Variants in RPS16 observed in about 807,000 individuals in gnomAD.
RPS16 encodes small ribosomal subunit protein uS9.
Under a neutral mutation model 20.1 loss-of-function variants are expected in RPS16, and 2 were observed. That is an observed-to-expected ratio of 0.10 (90% CI 0.04 to 0.31). RPS16 has a LOEUF of 0.31. Ranked by LOEUF, RPS16 falls within the 10% of genes least tolerant of loss-of-function variation. The pLI, the probability that RPS16 is intolerant of heterozygous loss-of-function variation, is 1.00. For missense variants in RPS16, 129 were observed against 198.6 expected (o/e 0.65, Z 2.11); for synonymous variants, 95 against 76.1 (o/e 1.25, Z -1.29).
At chr19:39,434,203 C>A (rs2078847153) in intron 2 of RPS16, 1 of 191,360 alleles carries the variant, frequency 5.2e-6, no homozygotes, top group Admixed American at 5.3e-5. Context: ...TTGAGCCTCA[C>A]AGGTTTCCAG....
Position 39,433,139 on chromosome 19 carries a change from A to G in RPS16, c.*134T>C. The stretch of plus-strand genomic sequence containing the variant: ...GAGGGTCAAAATCCAGACTGGCAAT[A>G]GGTCCAGGATGTTTACTGATTTCTG... On this transcript the variant is annotated 3_prime_UTR_variant, in exon 5 of 5. Coordinates refer to ENST00000251453, the MANE Select transcript of RPS16 (RefSeq NM_001020.6). The G allele has an allele frequency of 1.0e-6, 1 of 1,001,690 alleles. No homozygotes were observed. Among genetic ancestry groups the G allele is most frequent in the Non-Finnish European group, 1.5e-6 (1 of 672,098 alleles). The allele number at this position is 1,001,690 out of a possible 1,614,324, so 62.1% of individuals were successfully genotyped here.
chr19:39,435,748 G>C, intron 1 of RPS16, 40 bp from the exon 2 acceptor site: 3 of 1,607,632 alleles, frequency 1.9e-6, no homozygotes, highest in Non-Finnish European at 1.7e-6. Context: ...GTGAGCTCCG[G>C]CTCCAGCTCC....
Position 39,435,651 on chromosome 19 carries a change from C to G in RPS16, c.106G>C (p.Gly36Arg). The part of the protein sequence containing the change: ...KRGNGLIKVN[G>R]RPLEMIEPRT... ...GGCTCAATCATCTCCAGGGGCCGCCCGTTCACCTTGATGAGACCATTGCCG... is the reference window on the plus strand; with the variant it reads ...GGCTCAATCATCTCCAGGGGCCGCCGGTTCACCTTGATGAGACCATTGCCG... Residue 36 changes from glycine to arginine, a missense_variant, in exon 2 of 5, where the codon GGG (glycine) becomes CGG (arginine). Transcript: ENST00000251453. 1 of 1,614,076 alleles carries G rather than the reference C, an allele frequency of 6.2e-7. No individual in the cohort carries two copies.
chr19:39,433,445 T>C, intron 4 of RPS16, 27 bp from the exon 5 acceptor site: 17 of 1,613,484 alleles, frequency 1.1e-5, no homozygotes, highest in Non-Finnish European at 1.4e-5. Flanking sequence ...GGACGAGGAT[T>C]TAGATAATCA....
chr19:39,433,681 G>A lies in RPS16; in HGVS notation c.231C>T (p.His77=), dbSNP rs111552347. 1.9e-5 allele frequency: 30 copies of A among 1,614,034 alleles called. No individual in the cohort carries two copies. Among genetic ancestry groups the A allele is most frequent in the African/African-American group, 2.7e-5 (2 of 74,916 alleles). ...DIRVRVKGGG[H]VAQIYAIRQS... is the part of the protein sequence containing the mutation. ...GGGACTCACCATAAATCTGGGCCAC[G>A]TGACCACCACCCTTTACACGGACAC... The change falls in exon 3 of 5, where the codon CAC becomes CAT. Residue 77 remains histidine (H), a synonymous_variant. Transcript: ENST00000251453.
intron 2 of RPS16, 32 bp from the exon 3 acceptor site, chr19:39,433,793 G>A (rs374405066): frequency 5.0e-6 from 8 of 1,607,578 alleles, no homozygotes; most frequent in South Asian, 1.1e-5. Flanking sequence ...AGGGATTTAA[G>A]TTACATGCTG....
intron 2 of RPS16, 97 bp downstream of exon 2, chr19:39,435,510 C>T (rs1480255812): frequency 1.6e-5 from 15 of 930,830 alleles, no homozygotes; most frequent in Non-Finnish European, 2.5e-5. Context: ...TCTAAACATC[C>T]CGTTGCTGAT....
Position 39,435,724 on chromosome 19 carries a change from G to C in RPS16, c.49-16C>G. 1.9e-6 allele frequency: 3 copies of C among 1,612,546 alleles called. No individual in the cohort carries two copies. Among genetic ancestry groups the C allele is most frequent in the Non-Finnish European group, 1.7e-6 (2 of 1,179,564 alleles). ...TCGCTGTCTTCTGTAAGATACAAGA[G>C]AAACAGGGGCCCCGTGAGCTCCGGC... is the stretch of plus-strand genomic sequence containing the variant. On this transcript the variant is annotated splice_polypyrimidine_tract_variant and intron_variant, in intron 1 of 4. Transcript: ENST00000251453.
At chr19:39,434,803 G>A (rs530733298) in intron 2 of RPS16, 1 of 152,286 alleles carries the variant, frequency 6.6e-6, no homozygotes, top group East Asian at 1.9e-4. Context: ...GTGACAGCAA[G>A]ATACTGTTTT....
In RPS16 at chr19:39,435,862, C is replaced by T. The variant is rs149904647; in HGVS notation, c.34G>A (p.Val12Ile). 4 of 1,609,682 alleles carry T rather than the reference C, an allele frequency of 2.5e-6. No homozygotes were observed. The highest frequency in any genetic ancestry group is 2.2e-5 in the East Asian group (1 of 44,892). Residue 12 changes from valine to isoleucine, a missense_variant, in exon 1 of 5, where the codon GTC becomes ATC. Physicochemically the swap from Val to Ile is conservative, Grantham distance 29. This residue lies in a region of RPS16 where 117 missense variants were observed against 151.4 expected (regional missense o/e 0.77). Transcript: ENST00000251453. ...PSKGPLQSVQVFGRKKTATAV... is the reference protein window; with the variant it reads ...PSKGPLQSVQIFGRKKTATAV... The stretch of plus-strand genomic sequence containing the variant: ...GTCTGGCTCACCTTGCGTCCGAAGA[C>T]CTGCACAGACTGCAGCGGGCCCTTG...
chr19:39,435,633 T>A lies in RPS16; in HGVS notation c.124A>T (p.Ile42Phe). The A allele has an allele frequency of 6.2e-7, 1 of 1,613,946 alleles. No individual in the cohort carries two copies. The highest frequency in any genetic ancestry group is 8.5e-7 in the Non-Finnish European group (1 of 1,180,032). The change falls in exon 2 of 5, where the codon ATT (isoleucine) becomes TTT (phenylalanine). Residue 42 changes from isoleucine to phenylalanine, a missense_variant. By Grantham distance (21) the Ile-to-Phe change is conservative. This residue lies in a region of RPS16 where 117 missense variants were observed against 151.4 expected (regional missense o/e 0.77). Coordinates refer to ENST00000251453, the MANE Select transcript of RPS16 (RefSeq NM_001020.6). ...TTGTACTGTAGCGTGCGCGGCTCAA[T>A]CATCTCCAGGGGCCGCCCGTTCACC... ...IKVNGRPLEM[I>F]EPRTLQYKLL...
In RPS16 at chr19:39,433,699, A is replaced by C; in HGVS notation, c.213T>G (p.Arg71=). The C allele has an allele frequency of 6.2e-7, 1 of 1,614,206 alleles. No homozygotes were observed. The highest frequency in any genetic ancestry group is 8.5e-7 in the Non-Finnish European group (1 of 1,180,018). Residue 71 remains arginine, a synonymous_variant, in exon 3 of 5, where the codon CGT becomes CGG. Coordinates refer to ENST00000251453, the MANE Select transcript of RPS16 (RefSeq NM_001020.6). ...ERFAGVDIRV[R]VKGGGHVAQI... is the part of the protein sequence containing the mutation. Reference sequence around the variant, plus strand: ...GGGCCACGTGACCACCACCCTTTACACGGACACGGATGTCTACACCAGCAA... The same window carrying C: ...GGGCCACGTGACCACCACCCTTTACCCGGACACGGATGTCTACACCAGCAA...
rs1320443767 is a variant in RPS16, at chr19:39,435,721, A to T, written c.49-13T>A. ...CTGTCGCTGTCTTCTGTAAGATACA[A>T]GAGAAACAGGGGCCCCGTGAGCTCC... On this transcript the variant is annotated splice_polypyrimidine_tract_variant and intron_variant, in intron 1 of 4. Transcript: ENST00000251453. The T allele has an allele frequency of 1.2e-6, 2 of 1,612,918 alleles. No individual in the cohort carries two copies. Among genetic ancestry groups the T allele is most frequent in the East Asian group, 4.5e-5 (2 of 44,886 alleles).
At chr19:39,435,323 T>C (rs1484406834) in intron 2 of RPS16, 3 of 407,830 alleles carry the variant, frequency 7.4e-6, no homozygotes, top group African/African-American at 6.2e-5. Context: ...AAATAAAAAA[T>C]AGTCGGTGTC....
Position 39,433,231 on chromosome 19 carries a change from A to T in RPS16, c.*42T>A. 6.2e-7 allele frequency: 1 copy of T among 1,605,134 alleles called. No individual in the cohort carries two copies. Among genetic ancestry groups the T allele is most frequent in the Non-Finnish European group, 8.5e-7 (1 of 1,175,052 alleles). The stretch of plus-strand genomic sequence containing the variant: ...GTTCTTGAAACTTTAAAATCCCTCA[A>T]AAACTGTTTATTATACAAGTGAGTT... On this transcript the variant is annotated 3_prime_UTR_variant, in exon 5 of 5. Coordinates refer to ENST00000251453, the MANE Select transcript of RPS16 (RefSeq NM_001020.6).
Position 39,433,187 on chromosome 19 carries a change from A to G in RPS16, c.*86T>C. 7.2e-7 allele frequency: 1 copy of G among 1,386,812 alleles called. No individual in the cohort carries two copies. The highest frequency in any genetic ancestry group is 2.3e-5 in the East Asian group (1 of 43,760). 85.9% of individuals were successfully genotyped at this position (1,386,812 alleles called of 1,614,324 possible). A position where few individuals can be genotyped will look rare whatever the true frequency, so the allele number is the denominator to read the frequency against. On this transcript the variant is annotated 3_prime_UTR_variant, in exon 5 of 5. Coordinates refer to ENST00000251453, the MANE Select transcript of RPS16 (RefSeq NM_001020.6). The stretch of plus-strand genomic sequence containing the variant: ...CTGTCTGGTTAAACATCCAATACCA[A>G]CACATAAGGCCACACACAGTTCTTG...
rs574014854 is a variant in RPS16 at position 39,433,271 on chromosome 19, G to C, written c.*2C>G. Reference sequence around the variant, plus strand: ...ACAAGTGAGTTTTGAGTCACGATGGGCTTATCGGTAGGATTTCTGGTAGCG... The same window carrying C: ...ACAAGTGAGTTTTGAGTCACGATGGCCTTATCGGTAGGATTTCTGGTAGCG... On this transcript the variant is annotated 3_prime_UTR_variant, in exon 5 of 5. Transcript: ENST00000251453. 4 of 1,612,530 alleles carry C rather than the reference G, an allele frequency of 2.5e-6. No homozygotes were observed. Among genetic ancestry groups the C allele is most frequent in the Non-Finnish European group, 2.5e-6 (3 of 1,179,970 alleles).
intron 2 of RPS16, chr19:39,434,096 C>T: frequency 3.0e-6 from 1 of 328,966 alleles, no homozygotes; most frequent in South Asian, 2.9e-5. Flanking sequence ...ATTCCAATAG[C>T]TTCTGAAACT....
At chr19:39,435,525 GC>G (rs878959689) in intron 2 of RPS16, 81 bp downstream of exon 2, 30 of 1,156,178 alleles carry the variant, frequency 2.6e-5, no homozygotes, top group Middle Eastern at 2.8e-4. Flanking sequence ...GCTGATGCCA[GC>G]CCCCCCAGCT....
Sources: allele counts gnomAD v4.1 joint callset, GRCh38; gene constraint gnomAD v4.1.1; regional missense constraint gnomAD v4.1.1; transcripts MANE v1.5; gene names NCBI Gene and HGNC (gene_info 2026-07-23, HGNC 2026-07-21).